Variants in TMC1 observed in about 807,000 individuals in gnomAD.
TMC1 encodes the protein transmembrane channel like 1.
A neutral mutation model predicts 105.8 loss-of-function variants in TMC1; 84 were observed. The observed-to-expected ratio is 0.79, with a 90% CI of 0.67 to 0.95. TMC1 has a LOEUF of 0.95. Ranked by LOEUF, TMC1 falls within the 40% of genes least tolerant of loss-of-function variation. The pLI is 0.00. For synonymous variants in TMC1, 315 were observed against 311.5 expected (o/e 1.01, Z -0.12); for missense variants, 817 against 914.1 (o/e 0.89, Z 1.37).
rs371480108 is a variant in TMC1, at chr9:72,700,725, TATATATATATATATATATAC to T, written c.362+84_362+103del. On this transcript the variant is annotated intron_variant, in intron 8 of 23. Transcript: ENST00000297784. ...CCTCTGAATATTCCATATATATATA[TATATATATATATATATATAC>T]ACACACACACACACATACACACACA... 203 of 405,956 alleles carry T rather than the reference TATATATATATATATATATAC, an allele frequency of 5.0e-4. 13 individuals are homozygous for T. Among genetic ancestry groups the T allele is most frequent in the Admixed American group, 1.6e-3 (51 of 32,332 alleles). The allele number at this position is 405,956 out of a possible 1,614,324, so 25.1% of individuals were successfully genotyped here. A position where few individuals can be genotyped will look rare whatever the true frequency, so the allele number is the denominator to read the frequency against.
chr9:72,777,973 AAC>A (rs2118144822), intron 13 of TMC1, among the ~76,000 whole-genome samples: 1 of 152,314 alleles, frequency 6.6e-6, no homozygotes, highest in South Asian at 2.1e-4. Flanking sequence ...CTATTTGTGG[AAC>A]ACCTAGAATG....
chr9:72,669,607 CTTAAAATTGG>C (rs1424713679), intron 5 of TMC1, among the ~76,000 whole-genome samples: 2 of 151,824 alleles, frequency 1.3e-5, no homozygotes, highest in Non-Finnish European at 2.9e-5. Flanking sequence ...TAACCCTTCT[CTTAAAATTGG>C]TGATTTCACA....
At chr9:72,636,096 A>G (rs770737278) in intron 4 of TMC1, among the ~76,000 whole-genome samples, 20 of 152,154 alleles carry the variant, frequency 1.3e-4, no homozygotes, top group Non-Finnish European at 2.5e-4. Context: ...AATCGACAGA[A>G]TAAAGACCAA....
chr9:72,835,984 G>GA lies in TMC1; in HGVS notation c.*12dup, dbSNP rs1305694744. The GA allele has an allele frequency of 6.5e-7, 1 of 1,545,702 alleles. No individual in the cohort carries two copies. On this transcript the variant is annotated 3_prime_UTR_variant, in exon 24 of 24. Coordinates refer to ENST00000297784, the MANE Select transcript of TMC1 (RefSeq NM_138691.3). ...GCTGGTCGCCAGTAATAAGTATCCT[G>GA]AGAGCCCAGAAAAGGTACACTTTGC...
intron 2 of TMC1, among the ~76,000 whole-genome samples, chr9:72,596,921 G>A (rs1824730858): frequency 6.6e-6 from 1 of 152,246 alleles, no homozygotes; most frequent in Non-Finnish European, 1.5e-5. Flanking sequence ...CGCCTTCTAA[G>A]TATGTACCAT....
At chr9:72,615,808 C>T (rs1183406191) in intron 2 of TMC1, among the ~76,000 whole-genome samples, 2 of 149,506 alleles carry the variant, frequency 1.3e-5, no homozygotes, top group African/African-American at 5.0e-5. Context: ...GGCTGGAGTT[C>T]AATGGCACGA....
intron 2 of TMC1, among the ~76,000 whole-genome samples, chr9:72,584,873 C>T (rs377303100): frequency 6.7e-6 from 1 of 149,250 alleles, no homozygotes; most frequent in African/African-American, 2.5e-5. Context: ...CATCCTCCGC[C>T]GCCTGGGTTC....
Position 72,805,435 on chromosome 9 carries a change from C to T in TMC1, c.1620C>T (p.Leu540=), listed in dbSNP as rs145772877. 8.1e-6 allele frequency: 13 copies of T among 1,613,698 alleles called. No homozygotes were observed. Among genetic ancestry groups the T allele is most frequent in the Middle Eastern group, 1.7e-4 (1 of 6,052 alleles). Residue 540 remains leucine (L), a synonymous_variant, in exon 18 of 24, where the codon CTC becomes CTT. Coordinates refer to ENST00000297784, the MANE Select transcript of TMC1 (RefSeq NM_138691.3). ...SDVLTTYVTI[L]IGDFLRACFV... ...TTCTGACCACCTACGTCACAATCCTCATTGGGGACTTTCTAAGGGCATGTT... is the reference window on the plus strand; with the variant it reads ...TTCTGACCACCTACGTCACAATCCTTATTGGGGACTTTCTAAGGGCATGTT...
intron 3 of TMC1, among the ~76,000 whole-genome samples, chr9:72,624,473 A>T (rs1825311668): frequency 6.6e-6 from 1 of 152,182 alleles, no homozygotes; most frequent in Non-Finnish European, 1.5e-5. Context: ...GCCATTCACT[A>T]CTGCTTAGAA....
intron 1 of TMC1, among the ~76,000 whole-genome samples, chr9:72,565,350 G>T (rs1357253889): frequency 6.6e-6 from 1 of 151,722 alleles, no homozygotes; most frequent in Non-Finnish European, 1.5e-5. Flanking sequence ...TACCTTGGAA[G>T]TAATTATGAA....
chr9:72,561,795 A>G (rs1390100058), intron 1 of TMC1, among the ~76,000 whole-genome samples: 1 of 152,154 alleles, frequency 6.6e-6, no homozygotes, highest in African/African-American at 2.4e-5. Flanking sequence ...TTTTAGGCAC[A>G]CGTTTGAATA....
At position 72,713,726 on chromosome 9, in the gene TMC1, A is replaced by AT. The variant is rs755708635; in HGVS notation, c.362+13097dup. ...AAAAAGCCAGCTCCTGGATTCATTG[A>AT]TTTTTTTTTTTTTTGAAGGGCTTTT... On this transcript the variant is annotated intron_variant, in intron 8 of 23. Coordinates refer to ENST00000297784, the MANE Select transcript of TMC1 (RefSeq NM_138691.3). 9.3e-3 allele frequency among the ~76,000 whole-genome samples: 1,277 copies of AT among 137,460 alleles called. 11 individuals carry two copies. Among genetic ancestry groups the AT allele is most frequent in the African/African-American group, 0.024 (902 of 37,386 alleles). The allele number at this position is 137,460 out of a possible 152,430, so 90.2% of individuals were successfully genotyped here. A position where few individuals can be genotyped will look rare whatever the true frequency, so the allele number is the denominator to read the frequency against.
At chr9:72,600,860 C>G (rs1294297661) in intron 2 of TMC1, among the ~76,000 whole-genome samples, 2 of 152,306 alleles carry the variant, frequency 1.3e-5, no homozygotes, top group Non-Finnish European at 1.5e-5. Flanking sequence ...GTTCCACCCC[C>G]AGAGCTTCTG....
intron 1 of TMC1, among the ~76,000 whole-genome samples, chr9:72,526,282 T>C (rs2132053936): frequency 6.6e-6 from 1 of 152,308 alleles, no homozygotes; most frequent in East Asian, 1.9e-4. Flanking sequence ...TCTTCATGTG[T>C]ACAACTTGAA....
chr9:72,816,408 T>C lies in TMC1; in HGVS notation c.1763+198T>C, dbSNP rs76665233. Among the ~76,000 whole-genome samples the C allele has an allele frequency of 2.9e-3, 444 of 152,332 alleles. 2 individuals carry two copies. Among genetic ancestry groups the C allele is most frequent in the African/African-American group, 0.01 (424 of 41,576 alleles). On this transcript the variant is annotated intron_variant, in intron 19 of 23. Transcript: ENST00000297784. ...CAGTCATCAAAGGTGTCTCTCTGTTTTGCAAAGCACTTCTTCATCAAATAA... is the reference window on the plus strand; with the variant it reads ...CAGTCATCAAAGGTGTCTCTCTGTTCTGCAAAGCACTTCTTCATCAAATAA...
At chr9:72,545,322 G>GTT (rs1554710280) in intron 1 of TMC1, among the ~76,000 whole-genome samples, 55 of 119,272 alleles carry the variant, frequency 4.6e-4, no homozygotes, top group South Asian at 1.0e-3. Flanking sequence ...ACATTAATAT[G>GTT]TTTTTTTTAA....
In TMC1 at chr9:72,618,022, C is replaced by CTTT. The variant is rs34497983; in HGVS notation, c.-196+1567_-196+1569dup. ...AGGAGCGAGACTTCTCTGGGTACAT[C>CTTT]TTTTTTTTTTTTTTTTTTTTTTTTG... is the stretch of plus-strand genomic sequence containing the variant. On this transcript the variant is annotated intron_variant, in intron 3 of 23. Transcript: ENST00000297784. 1.9e-3 allele frequency among the ~76,000 whole-genome samples: 151 copies of CTTT among 79,194 alleles called. 9 individuals carry two copies. The highest frequency in any genetic ancestry group is 8.0e-3 in the East Asian group (17 of 2,114). The allele number at this position is 79,194 out of a possible 152,430, so 52.0% of individuals were successfully genotyped here.
At chr9:72,650,897 T>TATATATATATATATATATATATAA (rs1564468529) in intron 5 of TMC1, among the ~76,000 whole-genome samples, 2 of 142,564 alleles carry the variant, frequency 1.4e-5, no homozygotes, top group African/African-American at 5.1e-5. Context: ...TATAGATATA[T>TATATATATATATATATATATATAA]ATATAAATAT....
chr9:72,828,420 A>AACACACAC (rs35308376), intron 21 of TMC1, among the ~76,000 whole-genome samples: 9 of 149,908 alleles, frequency 6.0e-5, no homozygotes, highest in African/African-American at 1.7e-4. Context: ...TGTTGTTTAA[A>AACACACAC]ACACACACAC....
Sources: allele counts gnomAD v4.1 joint callset (sites outside exome capture counted in the v4.1 genomes callset), GRCh38; gene constraint gnomAD v4.1.1; transcripts MANE v1.5; gene names NCBI Gene and HGNC (gene_info 2026-07-23, HGNC 2026-07-21).